The following CPNE4 variants were observed in gnomAD, a reference collection of about 807,000 sequenced individuals.
CPNE4 encodes the protein copine-4.
Under a neutral mutation model 67.9 loss-of-function variants are expected in CPNE4, and 25 were observed. The observed-to-expected ratio is 0.37, with a 90% CI of 0.27 to 0.51. The LOEUF is 0.51. Among genes scored for constraint, CPNE4 ranks in the 20% least tolerant of loss-of-function variants. CPNE4 has a pLI of 0.93. For missense variants in CPNE4, 464 were observed against 690.8 expected (o/e 0.67, Z 3.68); for synonymous variants, 242 against 244.9 (o/e 0.99, Z 0.11).
chr3:131,654,092 G>A (rs62283179), intron 7 of CPNE4, among the ~76,000 whole-genome samples: 6,251 of 152,232 alleles, frequency 0.041, 168 homozygotes, highest in Non-Finnish European at 0.067. Flanking sequence ...CTGAGGTGGG[G>A]TCTAGGTACC....
chr3:132,028,571 T>C (rs1276804943), intron 1 of CPNE4, among the ~76,000 whole-genome samples: 1 of 152,148 alleles, frequency 6.6e-6, no homozygotes, highest in Non-Finnish European at 1.5e-5. Context: ...AAAAATAAAA[T>C]GGTGATAGCA....
At chr3:131,970,407 G>C (rs1583534823) in intron 1 of CPNE4, among the ~76,000 whole-genome samples, 1 of 152,230 alleles carries the variant, frequency 6.6e-6, no homozygotes, top group African/African-American at 2.4e-5. Context: ...ATAAATATTA[G>C]CTCTTTTTCC....
chr3:131,954,267 A>C (rs1379129701), intron 1 of CPNE4, among the ~76,000 whole-genome samples: 8 of 152,220 alleles, frequency 5.3e-5, no homozygotes, highest in African/African-American at 1.9e-4. Context: ...AAGGAATAAT[A>C]CATGAAATCT....
At position 131,624,442 on chromosome 3, in the gene CPNE4, A is replaced by C. The variant is rs1194838036; in HGVS notation, c.682-36860T>G. ...CTTGCACCAGAAAACACAGGACTTTATTTTCTTACCATGAAAAGTATACCC... is the reference window on the plus strand; with the variant it reads ...CTTGCACCAGAAAACACAGGACTTTCTTTTCTTACCATGAAAAGTATACCC... On this transcript the variant is annotated intron_variant, in intron 7 of 15. Coordinates refer to ENST00000429747, the MANE Select transcript of CPNE4 (RefSeq NM_130808.3). Among the ~76,000 whole-genome samples the C allele has an allele frequency of 2.6e-5, 4 of 151,910 alleles. No individual in the cohort carries two copies. In the East Asian group the frequency reaches 7.8e-4, roughly 29 times the overall value.
At chr3:131,734,084 A>G (rs1329979222) in intron 2 of CPNE4, among the ~76,000 whole-genome samples, 2 of 152,134 alleles carry the variant, frequency 1.3e-5, no homozygotes, top group Non-Finnish European at 2.9e-5. Context: ...GTCCTTTAGA[A>G]TCATAAATTT....
At chr3:132,018,499 A>T (rs1262287724) in intron 1 of CPNE4, among the ~76,000 whole-genome samples, 1 of 152,180 alleles carries the variant, frequency 6.6e-6, no homozygotes, top group Non-Finnish European at 1.5e-5. Context: ...GAATTAACCT[A>T]TTTTGCTAAA....
chr3:132,013,092 G>T (rs1272970135), intron 1 of CPNE4, among the ~76,000 whole-genome samples: 1 of 152,000 alleles, frequency 6.6e-6, no homozygotes, highest in Non-Finnish European at 1.5e-5. Flanking sequence ...GCATAGGGGT[G>T]GACGCCTGTA....
intron 15 of CPNE4, among the ~76,000 whole-genome samples, chr3:131,537,991 C>T (rs754051357): frequency 2.6e-5 from 4 of 152,140 alleles, no homozygotes; most frequent in African/African-American, 4.8e-5. Flanking sequence ...CATCCTTGGC[C>T]TCTACCCACT....
At chr3:131,820,376 T>C (rs1244016488) in intron 2 of CPNE4, among the ~76,000 whole-genome samples, 2 of 152,252 alleles carry the variant, frequency 1.3e-5, no homozygotes, top group East Asian at 1.9e-4. Context: ...GGCCAGGACA[T>C]TTATCACACC....
At chr3:131,639,053 A>G (rs116652670) in intron 7 of CPNE4, among the ~76,000 whole-genome samples, 3 of 152,272 alleles carry the variant, frequency 2.0e-5, no homozygotes, top group Non-Finnish European at 2.9e-5. Context: ...TGCCACATCA[A>G]AAAGTCTGAA....
At chr3:131,801,009 A>G (rs1372484838) in intron 2 of CPNE4, among the ~76,000 whole-genome samples, 1 of 152,148 alleles carries the variant, frequency 6.6e-6, no homozygotes, top group African/African-American at 2.4e-5. Flanking sequence ...AGAAAAAGGT[A>G]GAGATGAGAA....
intron 3 of CPNE4, among the ~76,000 whole-genome samples, chr3:131,703,353 G>C (rs10934974): frequency 0.12 from 18,800 of 152,170 alleles, 1,267 homozygotes; most frequent in African/African-American, 0.16. Flanking sequence ...GGGGTCACAG[G>C]TGCAAACCTT....
At position 131,535,222 on chromosome 3, in the gene CPNE4, A is replaced by G. The variant is rs1559856606; in HGVS notation, c.1647T>C (p.Tyr549=). ...GIKPKCSSEM[Y]ESSRTLAP is the part of the protein sequence containing the mutation. Reference sequence around the variant, plus strand: ...ATGGTGCTAGTGTTCTGGAAGATTCATACATTTCTGATGAACATTTTGGTT... The same window carrying G: ...ATGGTGCTAGTGTTCTGGAAGATTCGTACATTTCTGATGAACATTTTGGTT... The change falls in exon 16 of 16, where the codon TAT becomes TAC. Residue 549 remains tyrosine, a synonymous_variant. Coordinates refer to ENST00000429747, the MANE Select transcript of CPNE4 (RefSeq NM_130808.3). The G allele has an allele frequency of 1.2e-6, 2 of 1,613,554 alleles. No homozygotes were observed. Among genetic ancestry groups the G allele is most frequent in the African/African-American group, 1.3e-5 (1 of 75,066 alleles).
intron 2 of CPNE4, among the ~76,000 whole-genome samples, chr3:131,893,984 T>C (rs1465874534): frequency 6.6e-6 from 1 of 151,594 alleles, no homozygotes; most frequent in Admixed American, 6.6e-5. Context: ...AAACAATATA[T>C]AGACTACAAA....
At chr3:131,657,682 G>T (rs1014118519) in intron 7 of CPNE4, among the ~76,000 whole-genome samples, 1 of 149,326 alleles carries the variant, frequency 6.7e-6, no homozygotes, top group Non-Finnish European at 1.5e-5. Context: ...TTACAGGCAC[G>T]TGCCACCACG....
intron 1 of CPNE4, among the ~76,000 whole-genome samples, chr3:131,938,704 A>G (rs6782862): frequency 0.18 from 26,622 of 151,956 alleles, 2,649 homozygotes; most frequent in East Asian, 0.31. Flanking sequence ...ACTATTAGGA[A>G]ACCGGCATGG....
chr3:131,929,898 A>C (rs537172565), intron 1 of CPNE4, among the ~76,000 whole-genome samples: 2 of 152,286 alleles, frequency 1.3e-5, no homozygotes, highest in Admixed American at 1.3e-4. Flanking sequence ...TTTTCATAGG[A>C]AGTACTATTC....
chr3:131,829,826 A>G (rs1425834052), intron 2 of CPNE4, among the ~76,000 whole-genome samples: 1 of 152,198 alleles, frequency 6.6e-6, no homozygotes, highest in Non-Finnish European at 1.5e-5. Flanking sequence ...TACTTCATAC[A>G]CATCAGGACT....
intron 2 of CPNE4, among the ~76,000 whole-genome samples, chr3:131,747,806 A>C (rs1490744280): frequency 6.6e-6 from 1 of 152,156 alleles, no homozygotes; most frequent in Non-Finnish European, 1.5e-5. Flanking sequence ...AAATAGGAAC[A>C]GTTTTATTTC....
Sources: gnomAD v4.1 joint callset for allele counts (sites outside exome capture counted in the v4.1 genomes callset) on GRCh38, gnomAD v4.1.1 for gene constraint, MANE v1.5 for transcripts, NCBI Gene and HGNC (gene_info 2026-07-23, HGNC 2026-07-21) for gene names.